ANKRD6: variants seen among roughly 807,000 people sequenced by gnomAD.
The protein encoded by ANKRD6 is ankyrin repeat domain 6.
In ANKRD6, 56 loss-of-function variants were observed where a neutral mutation model predicts 82.3. The observed-to-expected ratio is 0.68, with a 90% CI of 0.55 to 0.85. The LOEUF is 0.85. Ranked by LOEUF, ANKRD6 falls within the 40% of genes least tolerant of loss-of-function variation. The pLI, the probability that ANKRD6 is intolerant of heterozygous loss-of-function variation, is 0.00. For missense variants in ANKRD6, 852 were observed against 907.6 expected, an observed-to-expected ratio of 0.94 and a Z score of 0.79; for synonymous variants, 347 against 352.1, an observed-to-expected ratio of 0.99 and a Z score of 0.16.
intron 2 of ANKRD6, among the ~76,000 whole-genome samples, chr6:89,575,673 A>G (rs1317128024): frequency 1.3e-5 from 2 of 152,168 alleles, no homozygotes; most frequent in Non-Finnish European, 2.9e-5. Context: ...TTTCATGTAT[A>G]TGTTGCTTGT....
At chr6:89,445,638 G>T (rs1337888219) in intron 1 of ANKRD6, among the ~76,000 whole-genome samples, 1 of 152,112 alleles carries the variant, frequency 6.6e-6, no homozygotes, top group Non-Finnish European at 1.5e-5. Context: ...TAGAGACTGG[G>T]TTTCACCATG....
chr6:89,537,792 A>G (rs1784010265), intron 1 of ANKRD6, among the ~76,000 whole-genome samples: 2 of 144,132 alleles, frequency 1.4e-5, no homozygotes, highest in African/African-American at 5.2e-5. Flanking sequence ...GCTACTCATG[A>G]GGCTGAGGCA....
chr6:89,487,660 G>A (rs1777522018), intron 1 of ANKRD6, among the ~76,000 whole-genome samples: 4 of 152,122 alleles, frequency 2.6e-5, no homozygotes, highest in Admixed American at 2.6e-4. Context: ...ATCACATAAA[G>A]CATTTCGCCA....
intron 1 of ANKRD6, among the ~76,000 whole-genome samples, chr6:89,479,584 CTTT>C (rs920370343): frequency 6.7e-6 from 1 of 150,236 alleles, no homozygotes; most frequent in African/African-American, 2.4e-5. Context: ...AGAATTATTT[CTTT>C]TTTTATTTTT....
chr6:89,593,186 A>G (rs941148659), intron 2 of ANKRD6, among the ~76,000 whole-genome samples: 1 of 152,208 alleles, frequency 6.6e-6, no homozygotes, highest in Non-Finnish European at 1.5e-5. Flanking sequence ...GTGTCCCACC[A>G]TGCTGTCACC....
chr6:89,503,476 G>A (rs191726690), intron 1 of ANKRD6, among the ~76,000 whole-genome samples: 1 of 152,292 alleles, frequency 6.6e-6, no homozygotes, highest in Admixed American at 6.5e-5. Context: ...CTGAGTCAGA[G>A]GGAACTTGAG....
At chr6:89,629,380 G>T (rs748793736) in intron 15 of ANKRD6, 142 bp downstream of exon 15, 10 of 1,227,134 alleles carry the variant, frequency 8.1e-6, no homozygotes, top group Non-Finnish European at 8.1e-6. Context: ...GGCAAGGACT[G>T]TATTTTGCTC....
chr6:89,511,745 T>C (rs774305045), intron 1 of ANKRD6, among the ~76,000 whole-genome samples: 91 of 152,204 alleles, frequency 6.0e-4, no homozygotes, highest in Admixed American at 1.2e-3. Flanking sequence ...GATGTCACTA[T>C]TCCCTAGGGA....
chr6:89,502,690 G>A (rs1272136262), intron 1 of ANKRD6, among the ~76,000 whole-genome samples: 18 of 152,092 alleles, frequency 1.2e-4, no homozygotes, highest in Admixed American at 5.2e-4. Flanking sequence ...GACCCTTTTT[G>A]AGCTTTTGGC....
intron 1 of ANKRD6, among the ~76,000 whole-genome samples, chr6:89,492,083 A>G (rs1458122387): frequency 6.6e-6 from 1 of 152,226 alleles, no homozygotes; most frequent in African/African-American, 2.4e-5. Flanking sequence ...ATAAATGTGC[A>G]TGCTTTTCTC....
intron 1 of ANKRD6, among the ~76,000 whole-genome samples, chr6:89,536,694 A>G (rs1783881456): frequency 6.6e-6 from 1 of 152,252 alleles, no homozygotes; most frequent in African/African-American, 2.4e-5. Context: ...TTGGAAGAGC[A>G]AACTGAATGC....
intron 1 of ANKRD6, among the ~76,000 whole-genome samples, chr6:89,551,558 C>T (rs1312560497): frequency 2.0e-5 from 3 of 152,176 alleles, no homozygotes; most frequent in Admixed American, 1.3e-4. Context: ...TTCCAGGCCC[C>T]TGAGATTAGG....
rs925875667 is a variant in ANKRD6 at position 89,521,808 on chromosome 6, G to A, written c.-143-45026G>A. On this transcript the variant is annotated intron_variant, in intron 1 of 15. Transcript: ENST00000339746. The stretch of plus-strand genomic sequence containing the variant: ...ATTATAGAAGACCTTGAGAAAATAT[G>A]AGTTCAAATATAAGTCTCCAATTCC... Among the ~76,000 whole-genome samples, 4 of 152,100 alleles carry A rather than the reference G, an allele frequency of 2.6e-5. No individual in the cohort carries two copies. In the South Asian group the frequency reaches 6.2e-4, roughly 24 times the overall value.
intron 1 of ANKRD6, among the ~76,000 whole-genome samples, chr6:89,490,423 TAC>T (rs2127838792): frequency 6.6e-6 from 1 of 152,372 alleles, no homozygotes; most frequent in Non-Finnish European, 1.5e-5. Context: ...GTGTGAGTGA[TAC>T]AGATAGATTC....
intron 1 of ANKRD6, among the ~76,000 whole-genome samples, chr6:89,557,791 G>A (rs186941906): frequency 7.2e-5 from 11 of 152,164 alleles, no homozygotes; most frequent in East Asian, 1.9e-4. Flanking sequence ...CAGCGGCAGC[G>A]TTAGATTCTT....
At chr6:89,610,814 A>G (rs1432203251) in intron 5 of ANKRD6, among the ~76,000 whole-genome samples, 1 of 152,122 alleles carries the variant, frequency 6.6e-6, no homozygotes, top group South Asian at 2.1e-4. Flanking sequence ...AAAAAAAAAA[A>G]AAACCTGAAG....
At chr6:89,608,368 C>CTATATATATATATATATATA (rs1554260576) in intron 5 of ANKRD6, among the ~76,000 whole-genome samples, 21 of 130,494 alleles carry the variant, frequency 1.6e-4, no homozygotes, top group Non-Finnish European at 2.3e-4. Context: ...CACACACACA[C>CTATATATATATATATATATA]TATATATATA....
intron 1 of ANKRD6, among the ~76,000 whole-genome samples, chr6:89,560,094 T>C (rs1054529718): frequency 3.9e-5 from 6 of 152,222 alleles, no homozygotes; most frequent in Admixed American, 3.3e-4. Context: ...AAGGAGTTCA[T>C]ATAACCAGGG....
chr6:89,449,559 T>A (rs146269174), intron 1 of ANKRD6, among the ~76,000 whole-genome samples: 2 of 152,282 alleles, frequency 1.3e-5, no homozygotes, highest in African/African-American at 4.8e-5. Context: ...CTTTCCAAAA[T>A]AACCCTGCAA....
Sources: allele counts gnomAD v4.1 joint callset (sites outside exome capture counted in the v4.1 genomes callset), GRCh38; gene constraint gnomAD v4.1.1; transcripts MANE v1.5; gene names NCBI Gene and HGNC (gene_info 2026-07-23, HGNC 2026-07-21).